Variants in RARB observed in about 807,000 individuals in gnomAD.
The protein encoded by RARB is HBV-activated protein.
Under a neutral mutation model 51.9 loss-of-function variants are expected in RARB, and 17 were observed. That is an observed-to-expected ratio of 0.33 (90% CI 0.22 to 0.49). RARB has a LOEUF of 0.49. Among genes scored for constraint, RARB ranks in the 20% least tolerant of loss-of-function variants. The pLI is 0.99. For missense variants in RARB, 369 were observed against 550.8 expected, an observed-to-expected ratio of 0.67 and a Z score of 3.30; for synonymous variants, 215 against 195.4, an observed-to-expected ratio of 1.10 and a Z score of -0.84.
At chr3:24,950,523 G>A (rs1047942903) in intron 2 of RARB, among the ~76,000 whole-genome samples, 2 of 152,136 alleles carry the variant, frequency 1.3e-5, no homozygotes, top group African/African-American at 4.8e-5. Context: ...TTCAGGAAAT[G>A]CATTTGAAAT....
At chr3:25,229,254 A>C (rs1702122784) in intron 5 of RARB, among the ~76,000 whole-genome samples, 1 of 152,118 alleles carries the variant, frequency 6.6e-6, no homozygotes, top group South Asian at 2.1e-4. Flanking sequence ...TATATTTTCT[A>C]TTCTATTTTT....
At chr3:25,052,874 TA>T (rs1436494024) in intron 2 of RARB, among the ~76,000 whole-genome samples, 1 of 147,896 alleles carries the variant, frequency 6.8e-6, no homozygotes, top group Non-Finnish European at 1.5e-5. Context: ...AAGTGAGAGG[TA>T]AAAAAGTCAT....
At chr3:25,392,158 C>T (rs1461265691) in intron 5 of RARB, among the ~76,000 whole-genome samples, 2 of 152,092 alleles carry the variant, frequency 1.3e-5, no homozygotes, top group African/African-American at 4.8e-5. Flanking sequence ...GTCCTTTCCC[C>T]ACTTTGCTTT....
At chr3:24,875,063 C>T (rs751755388) in intron 2 of RARB, among the ~76,000 whole-genome samples, 1 of 152,084 alleles carries the variant, frequency 6.6e-6, no homozygotes, top group Middle Eastern at 3.4e-3. Context: ...AATTTATATG[C>T]TTCTGTTAAA....
intron 2 of RARB, among the ~76,000 whole-genome samples, chr3:24,938,333 A>G (rs1023909153): frequency 3.9e-5 from 6 of 152,160 alleles, no homozygotes; most frequent in Non-Finnish European, 5.9e-5. Context: ...GTAGTTTGTT[A>G]GAGAACCGTA....
At chr3:25,207,823 A>T (rs1337748580) in intron 5 of RARB, among the ~76,000 whole-genome samples, 1 of 152,214 alleles carries the variant, frequency 6.6e-6, no homozygotes, top group African/African-American at 2.4e-5. Context: ...TTGAGTTGCT[A>T]CAAAGGAACA....
chr3:25,545,626 A>G (rs1699587693), intron 3 of RARB, among the ~76,000 whole-genome samples: 1 of 152,116 alleles, frequency 6.6e-6, no homozygotes, highest in South Asian at 2.1e-4. Context: ...AGGGCTGTAA[A>G]GGTCAGACAG....
At chr3:25,209,687 C>T (rs1282461975) in intron 5 of RARB, among the ~76,000 whole-genome samples, 1 of 152,174 alleles carries the variant, frequency 6.6e-6, no homozygotes, top group Non-Finnish European at 1.5e-5. Flanking sequence ...GTCTCTCCTC[C>T]ATCCCTAGCT....
At chr3:24,946,937 G>C (rs950591422) in intron 2 of RARB, among the ~76,000 whole-genome samples, 4 of 152,174 alleles carry the variant, frequency 2.6e-5, no homozygotes, top group Admixed American at 6.5e-5. Flanking sequence ...ATGAATCTCA[G>C]CATGCATAAA....
At chr3:25,566,365 G>T (rs1700495251) in intron 3 of RARB, among the ~76,000 whole-genome samples, 1 of 152,218 alleles carries the variant, frequency 6.6e-6, no homozygotes, top group African/African-American at 2.4e-5. Context: ...CATAGACAGT[G>T]GTGGTGGGAC....
intron 2 of RARB, among the ~76,000 whole-genome samples, chr3:24,980,546 T>C (rs578240099): frequency 4.7e-4 from 72 of 152,308 alleles, no homozygotes; most frequent in Non-Finnish European, 8.5e-4. Context: ...TTTCTTCCAC[T>C]TGATCGAATC....
In RARB at chr3:25,513,480, T is replaced by C. The variant is rs59111007; in HGVS notation, c.448+12157T>C. On this transcript the variant is annotated intron_variant, in intron 3 of 7. Coordinates refer to ENST00000330688, the MANE Select transcript of RARB (RefSeq NM_000965.5). ...AAGCCCAAGAAAACATTAGGTCTTATTGATATCATGAGCCCATTTTTACCT... is the reference window on the plus strand; with the variant it reads ...AAGCCCAAGAAAACATTAGGTCTTACTGATATCATGAGCCCATTTTTACCT... Among the ~76,000 whole-genome samples, 38 of 152,310 alleles carry C rather than the reference T, an allele frequency of 2.5e-4. 1 individual carries two copies. The East Asian group carries it at 6.8e-3, about 27-fold the overall frequency.
chr3:25,577,146 T>C (rs1476851648), intron 4 of RARB, among the ~76,000 whole-genome samples: 1 of 152,108 alleles, frequency 6.6e-6, no homozygotes, highest in Non-Finnish European at 1.5e-5. Context: ...CGTGGTGCAC[T>C]GGTGGGAAGC....
rs143997765 is a variant in RARB at position 24,968,859 on chromosome 3, A to G, written c.-379-91266A>G. ...GACTTGGATGCAAGGAAACATATGT[A>G]AATGAGAGGTCATTACTCTGTCTAC... is the stretch of plus-strand genomic sequence containing the variant. On this transcript the variant is annotated intron_variant, in intron 2 of 11. Transcript: ENST00000383772. Among the ~76,000 whole-genome samples the G allele has an allele frequency of 8.0e-4, 122 of 152,292 alleles. No homozygotes were observed. In the East Asian group the frequency reaches 0.022, roughly 27 times the overall value.
chr3:25,236,644 G>A (rs532552493), intron 5 of RARB, among the ~76,000 whole-genome samples: 292 of 152,084 alleles, frequency 1.9e-3, no homozygotes, highest in South Asian at 4.4e-3. Context: ...CTGGTGCTCC[G>A]AACAATTAAT....
chr3:24,959,680 A>T (rs1696097139), intron 2 of RARB, among the ~76,000 whole-genome samples: 1 of 152,196 alleles, frequency 6.6e-6, no homozygotes, highest in African/African-American at 2.4e-5. Flanking sequence ...GCCCTATCAC[A>T]TGTGGCTGAG....
chr3:25,470,287 T>G (rs2125567210), intron 2 of RARB, among the ~76,000 whole-genome samples: 1 of 152,264 alleles, frequency 6.6e-6, no homozygotes, highest in South Asian at 2.1e-4. Context: ...AAAAAAAAGT[T>G]TTAAAATGCA....
chr3:25,594,830 C>T (rs1424038032), intron 7 of RARB, 152 bp downstream of exon 7: 7 of 591,578 alleles, frequency 1.2e-5, no homozygotes, highest in Non-Finnish European at 1.5e-5. Flanking sequence ...TACTATCCCT[C>T]CCCCCTCTAA....
At chr3:25,476,214 A>T (rs1174033463) in intron 2 of RARB, among the ~76,000 whole-genome samples, 3 of 152,172 alleles carry the variant, frequency 2.0e-5, no homozygotes, top group Admixed American at 6.5e-5. Context: ...CCATGTGTCT[A>T]GAAGAAGGAG....
Sources: gnomAD v4.1 joint callset for allele counts (sites outside exome capture counted in the v4.1 genomes callset) on GRCh38, gnomAD v4.1.1 for gene constraint, MANE v1.5 for transcripts, NCBI Gene and HGNC (gene_info 2026-07-23, HGNC 2026-07-21) for gene names.